DOK6: variants seen among roughly 807,000 people sequenced by gnomAD.
DOK6 encodes downstream of tyrosine kinase 6.
Under a neutral mutation model 44.0 loss-of-function variants are expected in DOK6, and 22 were observed. The ratio of observed to expected loss-of-function variants is 0.50; its 90% CI spans 0.36 to 0.71. The LOEUF (loss-of-function observed/expected upper bound fraction) is 0.71. DOK6 is among the 30% of genes least tolerant of loss of function. DOK6 has a pLI of 0.00. For missense variants in DOK6, 340 were observed against 416.4 expected (o/e 0.82, Z 1.60); for synonymous variants, 166 against 145.5 (o/e 1.14, Z -1.01).
intron 6 of DOK6, among the ~76,000 whole-genome samples, chr18:69,741,177 C>A (rs1224836766): frequency 6.6e-6 from 1 of 152,178 alleles, no homozygotes; most frequent in Admixed American, 6.5e-5. Flanking sequence ...GCAGGCTCAG[C>A]AAGGCTCAAC....
At chr18:69,490,881 C>A (rs944287231) in intron 1 of DOK6, among the ~76,000 whole-genome samples, 2 of 152,110 alleles carry the variant, frequency 1.3e-5, no homozygotes, top group African/African-American at 2.4e-5. Flanking sequence ...TTGAATTTTG[C>A]GTATGGGTGA....
At chr18:69,534,419 G>T (rs774680575) in intron 1 of DOK6, among the ~76,000 whole-genome samples, 1 of 152,050 alleles carries the variant, frequency 6.6e-6, no homozygotes, top group Non-Finnish European at 1.5e-5. Flanking sequence ...ATGTGTTTTA[G>T]ATATATAATT....
At position 69,482,229 on chromosome 18, in the gene DOK6, T is replaced by G. The variant is rs1341218048; in HGVS notation, c.66+80919T>G. Among the ~76,000 whole-genome samples, 4 of 152,310 alleles carry G rather than the reference T, an allele frequency of 2.6e-5. No homozygotes were observed. The East Asian group carries it at 7.7e-4, about 29-fold the overall frequency. Reference sequence around the variant, plus strand: ...CTGTGCAGAAGCTCTTTAGTTTAATTAGATCCCATTTGTCAATTTTGGCTT... The same window carrying G: ...CTGTGCAGAAGCTCTTTAGTTTAATGAGATCCCATTTGTCAATTTTGGCTT... On this transcript the variant is annotated intron_variant, in intron 1 of 7. Coordinates refer to ENST00000382713, the MANE Select transcript of DOK6 (RefSeq NM_152721.6).
intron 1 of DOK6, among the ~76,000 whole-genome samples, chr18:69,526,710 C>T (rs914474970): frequency 2.6e-5 from 4 of 152,126 alleles, no homozygotes; most frequent in Admixed American, 2.0e-4. Context: ...AGTGTGATTT[C>T]AGTTCTTTTA....
intron 1 of DOK6, among the ~76,000 whole-genome samples, chr18:69,445,686 G>C (rs891518622): frequency 3.3e-5 from 5 of 151,916 alleles, no homozygotes; most frequent in African/African-American, 1.2e-4. Context: ...TAAATATGTT[G>C]CTAGATTCAG....
intron 1 of DOK6, among the ~76,000 whole-genome samples, chr18:69,405,336 A>G (rs1445843906): frequency 6.6e-6 from 1 of 152,162 alleles, no homozygotes; most frequent in African/African-American, 2.4e-5. Flanking sequence ...ATAAATAGAA[A>G]TAGCTGGACA....
intron 7 of DOK6, among the ~76,000 whole-genome samples, chr18:69,778,857 G>A (rs1184153872): frequency 1.3e-5 from 2 of 152,108 alleles, no homozygotes; most frequent in Non-Finnish European, 2.9e-5. Flanking sequence ...TACTGCCATT[G>A]TTAGTATGTT....
intron 3 of DOK6, among the ~76,000 whole-genome samples, chr18:69,675,205 G>C (rs763789293): frequency 7.9e-5 from 12 of 152,042 alleles, no homozygotes; most frequent in Non-Finnish European, 1.8e-4. Context: ...GTCCACTCCA[G>C]TTTCATAGAA....
intron 1 of DOK6, among the ~76,000 whole-genome samples, chr18:69,420,405 T>C (rs1978457141): frequency 6.6e-6 from 1 of 152,172 alleles, no homozygotes; most frequent in Admixed American, 6.6e-5. Context: ...GAATTCTTAC[T>C]GTTTTTTACA....
chr18:69,715,692 G>C (rs1248563609), intron 5 of DOK6, among the ~76,000 whole-genome samples: 1 of 152,216 alleles, frequency 6.6e-6, no homozygotes, highest in Admixed American at 6.5e-5. Context: ...CTGTGTGGCA[G>C]ACTCATGCTC....
intron 1 of DOK6, among the ~76,000 whole-genome samples, chr18:69,479,762 A>G (rs1314134650): frequency 6.6e-6 from 1 of 152,202 alleles, no homozygotes; most frequent in Non-Finnish European, 1.5e-5. Context: ...AAGGTATTTA[A>G]CACTCTTAAG....
At chr18:69,697,565 T>C (rs1986416185) in intron 4 of DOK6, among the ~76,000 whole-genome samples, 1 of 152,124 alleles carries the variant, frequency 6.6e-6, no homozygotes, top group South Asian at 2.1e-4. Context: ...TTATAGAGTA[T>C]GTTGTAAGGC....
chr18:69,403,716 A>G (rs911058332), intron 1 of DOK6, among the ~76,000 whole-genome samples: 2 of 152,208 alleles, frequency 1.3e-5, no homozygotes, highest in Non-Finnish European at 2.9e-5. Context: ...GTGAATTTAA[A>G]TGGCAAAACT....
chr18:69,787,728 C>T (rs1174287725), intron 7 of DOK6, among the ~76,000 whole-genome samples: 1 of 152,094 alleles, frequency 6.6e-6, no homozygotes, highest in East Asian at 1.9e-4. Context: ...TACCTGTTTT[C>T]AAACTTTTTA....
intron 3 of DOK6, among the ~76,000 whole-genome samples, chr18:69,632,680 T>G (rs1472609919): frequency 2.0e-5 from 3 of 152,218 alleles, no homozygotes; most frequent in Non-Finnish European, 4.4e-5. Flanking sequence ...ATTTCTATAT[T>G]TAGAAGTACA....
chr18:69,522,357 C>T (rs879885182), intron 1 of DOK6, among the ~76,000 whole-genome samples: 38 of 152,042 alleles, frequency 2.5e-4, no homozygotes, highest in Middle Eastern at 3.4e-3. Flanking sequence ...ACTTGTAAGA[C>T]TTCAACTAGA....
chr18:69,474,153 G>A (rs1014095464), intron 1 of DOK6, among the ~76,000 whole-genome samples: 1 of 151,918 alleles, frequency 6.6e-6, no homozygotes, highest in African/African-American at 2.4e-5. Flanking sequence ...CCTTGGTGAG[G>A]GGGGGCCTTC....
intron 3 of DOK6, among the ~76,000 whole-genome samples, chr18:69,654,446 C>T (rs76052565): frequency 0.016 from 2,506 of 152,200 alleles, 31 homozygotes; most frequent in Non-Finnish European, 0.027. Flanking sequence ...GACATTGAGT[C>T]GGCATGAAGT....
At chr18:69,831,744 C>A (rs931636437) in intron 7 of DOK6, among the ~76,000 whole-genome samples, 1 of 152,144 alleles carries the variant, frequency 6.6e-6, no homozygotes, top group Non-Finnish European at 1.5e-5. Context: ...TAGGAGAGCA[C>A]AGTGATCAAA....
Sources: allele counts gnomAD v4.1 joint callset (sites outside exome capture counted in the v4.1 genomes callset), GRCh38; gene constraint gnomAD v4.1.1; transcripts MANE v1.5; gene names NCBI Gene and HGNC (gene_info 2026-07-23, HGNC 2026-07-21).